The following NELL2 variants were observed in gnomAD, a reference collection of about 807,000 sequenced individuals.
The protein encoded by NELL2 is neural EGFL like 2, also known as protein kinase C-binding protein NELL2.
In NELL2, 41 loss-of-function variants were observed where a neutral mutation model predicts 109.6. The observed-to-expected ratio is 0.37, with a 90% confidence interval of 0.29 to 0.49. The LOEUF is 0.49. Among genes scored for constraint, NELL2 ranks in the 20% least tolerant of loss-of-function variants. NELL2 has a pLI of 0.98. For missense variants in NELL2, 900 were observed against 1,008.3 expected, an observed-to-expected ratio of 0.89 and a Z score of 1.45; for synonymous variants, 355 against 344.7, an observed-to-expected ratio of 1.03 and a Z score of -0.33.
upstream of NELL2, among the ~76,000 whole-genome samples, chr12:44,880,092 T>C (rs2710435): frequency 0.024 from 3,530 of 147,894 alleles, 170 homozygotes; most frequent in African/African-American, 0.084. Context: ...GATAAAAGAC[T>C]ATGAAAAATA....
At chr12:44,605,512 T>A (rs1945366338) in intron 15 of NELL2, among the ~76,000 whole-genome samples, 1 of 152,156 alleles carries the variant, frequency 6.6e-6, no homozygotes, top group African/African-American at 2.4e-5. Context: ...GAAATAGAGA[T>A]AGCTACATGT....
chr12:44,557,406 A>G (rs183810996), intron 15 of NELL2, among the ~76,000 whole-genome samples: 10 of 152,288 alleles, frequency 6.6e-5, no homozygotes, highest in African/African-American at 2.4e-4. Flanking sequence ...TTTGGAGGTA[A>G]AGTTGAAGGG....
Position 44,779,950 on chromosome 12 carries a change from A to G in NELL2, c.408T>C (p.Pro136=), listed in dbSNP as rs568618287. The G allele has an allele frequency of 6.2e-7, 1 of 1,613,928 alleles. No homozygotes were observed. Among genetic ancestry groups the G allele is most frequent in the South Asian group, 1.1e-5 (1 of 91,080 alleles). Residue 136 remains proline (P), a synonymous_variant, in exon 4 of 20, where the codon CCT becomes CCC. Coordinates refer to ENST00000429094, the MANE Select transcript of NELL2 (RefSeq NM_001145108.2). ...AAATGTAAGGAAACACTTCTGTGTG[A>G]GGGCGGTGACTGCCTGAGCGGTAAT... The part of the protein sequence containing the change: ...RLHYRSGSHR[P]HTEVFPYILA...
intron 9 of NELL2, among the ~76,000 whole-genome samples, chr12:44,721,743 T>C (rs146875464): frequency 1.9e-3 from 294 of 152,198 alleles, no homozygotes; most frequent in Non-Finnish European, 3.6e-3. Flanking sequence ...AAACCAAATA[T>C]TAGTGCTCAA....
At chr12:44,771,188 G>C (rs944770667) in intron 9 of NELL2, among the ~76,000 whole-genome samples, 1 of 152,156 alleles carries the variant, frequency 6.6e-6, no homozygotes, top group East Asian at 1.9e-4. Flanking sequence ...CCGGGATAAA[G>C]GATGTGGAGG....
intron 2 of NELL2, among the ~76,000 whole-genome samples, chr12:44,833,948 C>T (rs541557570): frequency 6.6e-6 from 1 of 152,320 alleles, no homozygotes; most frequent in South Asian, 2.1e-4. Context: ...TCCATCCCAG[C>T]ATTTCCAATC....
intron 15 of NELL2, among the ~76,000 whole-genome samples, chr12:44,584,607 T>C (rs1178493080): frequency 6.6e-6 from 1 of 152,266 alleles, no homozygotes; most frequent in Non-Finnish European, 1.5e-5. Context: ...ATTCCATTTC[T>C]AGTCCCCAAA....
chr12:44,813,920 G>A (rs1412220069), intron 3 of NELL2, among the ~76,000 whole-genome samples: 3 of 152,166 alleles, frequency 2.0e-5, no homozygotes, highest in Non-Finnish European at 4.4e-5. Context: ...TGAAGGTCAG[G>A]TATTTCAGTT....
intron 2 of NELL2, chr12:44,851,661 A>C (rs146458296): frequency 2.6e-5 from 4 of 152,322 alleles, no homozygotes; most frequent in African/African-American, 9.6e-5. Flanking sequence ...AATGCAAAAA[A>C]TGCTTCACCA....
At chr12:44,766,081 G>A (rs764913074) in intron 9 of NELL2, among the ~76,000 whole-genome samples, 3 of 148,458 alleles carry the variant, frequency 2.0e-5, no homozygotes, top group East Asian at 2.0e-4. Flanking sequence ...GCAAGACTCC[G>A]TATCAGAAAA....
intron 12 of NELL2, among the ~76,000 whole-genome samples, chr12:44,679,585 C>A (rs2136366687): frequency 6.6e-6 from 1 of 152,212 alleles, no homozygotes; most frequent in Non-Finnish European, 1.5e-5. Context: ...GCCACAGAAC[C>A]TTTGTGAAGT....
At chr12:44,874,967 T>C (rs562520789) in intron 2 of NELL2, 14 of 357,122 alleles carry the variant, frequency 3.9e-5, no homozygotes, top group South Asian at 2.1e-4. Flanking sequence ...CCATCTGCCA[T>C]AGGAGTTTCT....
At chr12:44,818,491 T>A (rs1369774143) in intron 2 of NELL2, among the ~76,000 whole-genome samples, 2 of 152,228 alleles carry the variant, frequency 1.3e-5, no homozygotes, top group East Asian at 3.9e-4. Flanking sequence ...GCAGAGAGGT[T>A]CAAGGATGTG....
chr12:44,689,547 T>TA (rs1351751209), intron 12 of NELL2, among the ~76,000 whole-genome samples: 3 of 152,178 alleles, frequency 2.0e-5, no homozygotes, highest in Non-Finnish European at 4.4e-5. Flanking sequence ...TATGTCCCCA[T>TA]ACATACATTT....
chr12:44,519,097 T>C (rs1941407238), intron 19 of NELL2, among the ~76,000 whole-genome samples: 1 of 152,140 alleles, frequency 6.6e-6, no homozygotes, highest in Non-Finnish European at 1.5e-5. Flanking sequence ...ATTAAATTGC[T>C]CTGTAGGAAA....
chr12:44,687,262 G>C (rs1051894212), intron 12 of NELL2, among the ~76,000 whole-genome samples: 3 of 152,104 alleles, frequency 2.0e-5, no homozygotes, highest in Non-Finnish European at 4.4e-5. Context: ...CCCTGCTTTG[G>C]CTCGCCCATG....
At chr12:44,839,008 T>C (rs991386766) in intron 2 of NELL2, among the ~76,000 whole-genome samples, 3 of 152,326 alleles carry the variant, frequency 2.0e-5, no homozygotes, top group Admixed American at 2.0e-4. Context: ...AACTGCAAGA[T>C]GGCAATTTAC....
At chr12:44,691,376 C>T (rs535967456) in intron 12 of NELL2, among the ~76,000 whole-genome samples, 2 of 152,254 alleles carry the variant, frequency 1.3e-5, no homozygotes, top group African/African-American at 4.8e-5. Flanking sequence ...GAACACTGCC[C>T]ATACAAGATG....
intron 9 of NELL2, among the ~76,000 whole-genome samples, chr12:44,719,151 A>G (rs1032032235): frequency 6.6e-6 from 1 of 152,206 alleles, no homozygotes; most frequent in African/African-American, 2.4e-5. Flanking sequence ...AACGATTAAC[A>G]GCAAATAGGA....
Sources: gnomAD v4.1 joint callset for allele counts (sites outside exome capture counted in the v4.1 genomes callset) on GRCh38, gnomAD v4.1.1 for gene constraint, MANE v1.5 for transcripts, NCBI Gene and HGNC (gene_info 2026-07-23, HGNC 2026-07-21) for gene names.